Variants in PTPRD observed in about 807,000 individuals in gnomAD.
The protein encoded by PTPRD is protein tyrosine phosphatase receptor type D.
PTPRD carries 34 observed loss-of-function variants against 214.5 expected under a neutral mutation model. That is an observed-to-expected ratio of 0.16 (90% CI 0.12 to 0.21). The LOEUF (loss-of-function observed/expected upper bound fraction) is 0.21. PTPRD is among the 10% of genes least tolerant of loss of function. PTPRD has a pLI of 1.00. For synonymous variants in PTPRD, 1,128 were observed against 845.7 expected (o/e 1.33, Z -5.79); for missense variants, 2,545 against 2,398.7 (o/e 1.06, Z -1.27).
At chr9:9,954,032 C>T (rs951237017) in intron 4 of PTPRD, among the ~76,000 whole-genome samples, 2 of 151,952 alleles carry the variant, frequency 1.3e-5, no homozygotes, top group African/African-American at 2.4e-5. Context: ...TGCGGTGGCT[C>T]ATGCTGGTAA....
intron 6 of PTPRD, among the ~76,000 whole-genome samples, chr9:9,763,512 C>G (rs1208604701): frequency 3.3e-5 from 5 of 152,100 alleles, no homozygotes; most frequent in Non-Finnish European, 5.9e-5. Context: ...AGTAAAATAT[C>G]CCACATTTTA....
chr9:10,270,435 G>A (rs1477859057), intron 3 of PTPRD, among the ~76,000 whole-genome samples: 1 of 152,106 alleles, frequency 6.6e-6, no homozygotes, highest in Non-Finnish European at 1.5e-5. Context: ...AAACTAATGA[G>A]ACTTGTTGTA....
chr9:10,144,270 T>C (rs560775777), intron 3 of PTPRD, among the ~76,000 whole-genome samples: 1 of 152,140 alleles, frequency 6.6e-6, no homozygotes, highest in Admixed American at 6.6e-5. Flanking sequence ...AATACTCTTC[T>C]CTCCAAAAAG....
chr9:9,730,425 G>C (rs1436934077), intron 7 of PTPRD, among the ~76,000 whole-genome samples: 1 of 151,966 alleles, frequency 6.6e-6, no homozygotes, highest in Non-Finnish European at 1.5e-5. Context: ...TTAATGACAT[G>C]GTTTTACAGG....
At chr9:9,908,691 A>T (rs1180944677) in intron 5 of PTPRD, among the ~76,000 whole-genome samples, 1 of 152,006 alleles carries the variant, frequency 6.6e-6, no homozygotes, top group African/African-American at 2.4e-5. Context: ...TCTGTTCTTT[A>T]TCTTGCTTAT....
chr9:9,866,542 T>C (rs1266214163), intron 5 of PTPRD, among the ~76,000 whole-genome samples: 1 of 152,110 alleles, frequency 6.6e-6, no homozygotes, highest in Non-Finnish European at 1.5e-5. Context: ...GTAATAAGAT[T>C]AGTTATATAC....
chr9:9,956,989 C>A (rs1262391713), intron 4 of PTPRD, among the ~76,000 whole-genome samples: 1 of 152,044 alleles, frequency 6.6e-6, no homozygotes, highest in Admixed American at 6.6e-5. Flanking sequence ...AGGGTCAGAA[C>A]CTAACAAGAG....
At chr9:10,406,773 G>T (rs558966894) in intron 2 of PTPRD, among the ~76,000 whole-genome samples, 1 of 150,850 alleles carries the variant, frequency 6.6e-6, no homozygotes, top group Non-Finnish European at 1.5e-5. Context: ...TGTCAGCATG[G>T]GTGAGCAAGA....
chr9:9,281,136 A>C (rs1947542751), intron 9 of PTPRD, among the ~76,000 whole-genome samples: 1 of 151,328 alleles, frequency 6.6e-6, no homozygotes, highest in Non-Finnish European at 1.5e-5. Flanking sequence ...CTAAAATTAA[A>C]ATGCAGAACT....
chr9:8,653,928 C>T (rs1481637540), intron 12 of PTPRD, among the ~76,000 whole-genome samples: 1 of 152,186 alleles, frequency 6.6e-6, no homozygotes, highest in African/African-American at 2.4e-5. Context: ...GTCCCATCTC[C>T]CTACATAATC....
At chr9:9,785,782 T>G (rs1192253302) in intron 5 of PTPRD, among the ~76,000 whole-genome samples, 1 of 152,114 alleles carries the variant, frequency 6.6e-6, no homozygotes, top group Non-Finnish European at 1.5e-5. Flanking sequence ...ACAAATAAAT[T>G]TTACAATGGC....
chr9:8,956,216 G>T (rs774066064), intron 11 of PTPRD, among the ~76,000 whole-genome samples: 4 of 151,758 alleles, frequency 2.6e-5, no homozygotes, highest in Non-Finnish European at 5.9e-5. Flanking sequence ...TTTTCTTGAA[G>T]AATACAGCAT....
rs138417385 is a variant in PTPRD, at chr9:8,984,248, C to T, written c.-104+34449G>A. On this transcript the variant is annotated intron_variant, in intron 11 of 45. Coordinates refer to ENST00000381196, the MANE Select transcript of PTPRD (RefSeq NM_002839.4). Reference sequence around the variant, plus strand: ...TTTAATTTATCAATCTACTTTCAAACATTTTATAAATTTTTAGTACAATTA... The same window carrying T: ...TTTAATTTATCAATCTACTTTCAAATATTTTATAAATTTTTAGTACAATTA... Among the ~76,000 whole-genome samples the T allele has an allele frequency of 5.1e-3, 776 of 152,052 alleles. 2 individuals are homozygous for T. Among genetic ancestry groups the T allele is most frequent in the African/African-American group, 0.018 (750 of 41,522 alleles).
intron 8 of PTPRD, among the ~76,000 whole-genome samples, chr9:9,445,494 G>A (rs911355751): frequency 5.3e-5 from 8 of 152,124 alleles, no homozygotes; most frequent in South Asian, 2.1e-4. Flanking sequence ...AATGAAAGAG[G>A]TTTAATTGAC....
At chr9:9,612,358 TGGTTGCTGCTG>T (rs1229835257) in intron 7 of PTPRD, among the ~76,000 whole-genome samples, 3 of 152,122 alleles carry the variant, frequency 2.0e-5, no homozygotes, top group Non-Finnish European at 2.9e-5. Flanking sequence ...GACACAAATC[TGGTTGCTGCTG>T]GGCATATTTC....
chr9:10,195,496 C>A (rs2099394420), intron 3 of PTPRD, among the ~76,000 whole-genome samples: 1 of 152,040 alleles, frequency 6.6e-6, no homozygotes, highest in South Asian at 2.1e-4. Flanking sequence ...TTTCTGGGAG[C>A]CAAGGTCTTT....
intron 9 of PTPRD, among the ~76,000 whole-genome samples, chr9:9,238,093 G>A (rs1443930525): frequency 6.6e-6 from 1 of 152,038 alleles, no homozygotes; most frequent in African/African-American, 2.4e-5. Flanking sequence ...CCACATGAAG[G>A]GACCTGAAGG....
intron 12 of PTPRD, among the ~76,000 whole-genome samples, chr9:8,683,483 G>C (rs2097595020): frequency 6.6e-6 from 1 of 151,820 alleles, no homozygotes; most frequent in African/African-American, 2.4e-5. Context: ...TTTTCAGGCT[G>C]GTTTTAATAA....
intron 5 of PTPRD, chr9:9,800,557 G>C (rs923888015): frequency 3.9e-5 from 6 of 152,152 alleles, no homozygotes; most frequent in Non-Finnish European, 5.9e-5. Flanking sequence ...TCTGTAAAGA[G>C]AGAACGGATT....
Sources: allele counts gnomAD v4.1 joint callset (sites outside exome capture counted in the v4.1 genomes callset), GRCh38; gene constraint gnomAD v4.1.1; transcripts MANE v1.5; gene names NCBI Gene and HGNC (gene_info 2026-07-23, HGNC 2026-07-21).